The following NCKAP5 variants were observed in gnomAD, a reference collection of about 807,000 sequenced individuals.
NCKAP5 encodes NCK associated protein 5.
In NCKAP5, 92 loss-of-function variants were observed where a neutral mutation model predicts 167.0. The observed-to-expected ratio is 0.55, with a 90% CI of 0.47 to 0.66. The LOEUF is 0.66. NCKAP5 is among the 30% of genes least tolerant of loss of function. The pLI, the probability that NCKAP5 is intolerant of heterozygous loss-of-function variation, is 0.00. For missense variants in NCKAP5, 2,378 were observed against 2,315.0 expected, an observed-to-expected ratio of 1.03 and a Z score of -0.56; for synonymous variants, 891 against 877.4, an observed-to-expected ratio of 1.02 and a Z score of -0.27.
chr2:132,709,914 A>AT, intron 19 of NCKAP5, among the ~76,000 whole-genome samples: 1 of 152,144 alleles, frequency 6.6e-6, no homozygotes, highest in East Asian at 1.9e-4. Flanking sequence ...ATTTCAACTC[A>AT]TTTATTAAAA....
intron 3 of NCKAP5, among the ~76,000 whole-genome samples, chr2:133,455,641 TG>T (rs1292060100): frequency 6.6e-6 from 1 of 152,154 alleles, no homozygotes; most frequent in Non-Finnish European, 1.5e-5. Flanking sequence ...CATATCCAAA[TG>T]CTCTCCCCAT....
intron 16 of NCKAP5, among the ~76,000 whole-genome samples, chr2:132,744,656 A>C (rs1428946309): frequency 6.6e-6 from 1 of 151,554 alleles, no homozygotes; most frequent in Non-Finnish European, 1.5e-5. Flanking sequence ...ACAATTTAAA[A>C]ATCAATGAAA....
intron 3 of NCKAP5, among the ~76,000 whole-genome samples, chr2:133,370,647 T>C (rs1447116623): frequency 6.6e-6 from 1 of 151,158 alleles, no homozygotes; most frequent in South Asian, 2.1e-4. Flanking sequence ...ATCCTATTAA[T>C]GTGTATGCAA....
chr2:132,992,526 G>C (rs1265944049), intron 7 of NCKAP5, among the ~76,000 whole-genome samples: 1 of 152,172 alleles, frequency 6.6e-6, no homozygotes, highest in Non-Finnish European at 1.5e-5. Flanking sequence ...ACATGTGATG[G>C]GGAACAAATA....
At chr2:133,338,384 T>C (rs1037788280) in intron 3 of NCKAP5, among the ~76,000 whole-genome samples, 2 of 152,210 alleles carry the variant, frequency 1.3e-5, no homozygotes, top group South Asian at 2.1e-4. Flanking sequence ...ATGTAGTAAG[T>C]AAGCATTCAG....
At chr2:133,022,871 C>G (rs935211624) in intron 6 of NCKAP5, among the ~76,000 whole-genome samples, 7 of 152,216 alleles carry the variant, frequency 4.6e-5, no homozygotes, top group Non-Finnish European at 7.3e-5. Flanking sequence ...CTTCCTCGCC[C>G]CTACACTAGC....
intron 3 of NCKAP5, among the ~76,000 whole-genome samples, chr2:133,474,922 T>A (rs1428906131): frequency 6.6e-6 from 1 of 152,132 alleles, no homozygotes; most frequent in Non-Finnish European, 1.5e-5. Flanking sequence ...GTGATTCTCC[T>A]ACTTCAGCCT....
At chr2:133,606,600 G>A in the NCKAP5 span, among the ~76,000 whole-genome samples, 41 of 152,214 alleles carry the variant, frequency 2.7e-4, no homozygotes, top group African/African-American at 7.7e-4. Context: ...GGATGTATCA[G>A]AATTGGCTGG....
At chr2:133,050,380 G>C (rs1559087945) in intron 6 of NCKAP5, among the ~76,000 whole-genome samples, 1 of 152,160 alleles carries the variant, frequency 6.6e-6, no homozygotes, top group Non-Finnish European at 1.5e-5. Context: ...TGGTATCTTG[G>C]TGAGGGAAAA....
chr2:133,465,001 T>C (rs1692457815), intron 3 of NCKAP5, among the ~76,000 whole-genome samples: 1 of 150,558 alleles, frequency 6.6e-6, no homozygotes, highest in Admixed American at 6.8e-5. Flanking sequence ...CTGGCACTGC[T>C]TTTGCTTTTT....
chr2:133,067,130 G>A (rs1372755970), intron 6 of NCKAP5, among the ~76,000 whole-genome samples: 1 of 152,146 alleles, frequency 6.6e-6, no homozygotes, highest in Non-Finnish European at 1.5e-5. Context: ...CTCTCAAAGT[G>A]CTGGGATTAC....
At chr2:133,492,431 C>T (rs1343323606) in intron 3 of NCKAP5, among the ~76,000 whole-genome samples, 1 of 152,122 alleles carries the variant, frequency 6.6e-6, no homozygotes, top group East Asian at 1.9e-4. Context: ...CGGGACTGTG[C>T]CTGTGATTTT....
chr2:132,958,915 TATTTC>T (rs1460173372), intron 8 of NCKAP5, among the ~76,000 whole-genome samples: 1 of 151,842 alleles, frequency 6.6e-6, no homozygotes, highest in Non-Finnish European at 1.5e-5. Flanking sequence ...GCTTATTTAT[TATTTC>T]ATTTAAGTAT....
rs191140521 is a variant in NCKAP5 at position 132,877,464 on chromosome 2, C to T, written c.648+1384G>A. Among the ~76,000 whole-genome samples the T allele has an allele frequency of 9.7e-4, 147 of 152,326 alleles. 1 individual carries two copies. The highest frequency in any genetic ancestry group is 1.6e-3 in the Non-Finnish European group (108 of 68,030). On this transcript the variant is annotated intron_variant, in intron 9 of 19. Transcript: ENST00000409261. ...AAACTATCAAGTGCGCCAGCATCATCGGGAGGGCTTGTTGACACATAGGTC... is the reference window on the plus strand; with the variant it reads ...AAACTATCAAGTGCGCCAGCATCATTGGGAGGGCTTGTTGACACATAGGTC...
chr2:133,498,513 A>AG (rs1682176952), intron 3 of NCKAP5, among the ~76,000 whole-genome samples: 1 of 141,278 alleles, frequency 7.1e-6, no homozygotes, highest in Admixed American at 7.0e-5. Flanking sequence ...GCAGGCAGGC[A>AG]GCCAAGAAGA....
At chr2:132,797,061 A>G (rs1405431597) in intron 11 of NCKAP5, among the ~76,000 whole-genome samples, 1 of 152,236 alleles carries the variant, frequency 6.6e-6, no homozygotes. Context: ...TAGTATGAAA[A>G]TTAACATTTG....
chr2:133,410,889 G>A (rs1688733144), intron 3 of NCKAP5, among the ~76,000 whole-genome samples: 2 of 152,190 alleles, frequency 1.3e-5, no homozygotes, highest in East Asian at 1.9e-4. Flanking sequence ...GAATCTCTAT[G>A]GGGTGAGGGA....
At chr2:132,935,792 G>A (rs183546087) in intron 8 of NCKAP5, among the ~76,000 whole-genome samples, 1 of 152,184 alleles carries the variant, frequency 6.6e-6, no homozygotes, top group Admixed American at 6.5e-5. Context: ...GGAGTAGAGA[G>A]GATGAGTTCA....
At chr2:133,588,060 G>C in the NCKAP5 span, among the ~76,000 whole-genome samples, 1 of 152,096 alleles carries the variant, frequency 6.6e-6, no homozygotes, top group Non-Finnish European at 1.5e-5. Flanking sequence ...GAATAAAATA[G>C]AGTTGATGCC....
Sources: allele counts gnomAD v4.1 joint callset (sites outside exome capture counted in the v4.1 genomes callset), GRCh38; gene constraint gnomAD v4.1.1; transcripts MANE v1.5; gene names NCBI Gene and HGNC (gene_info 2026-07-23, HGNC 2026-07-21).